Variants in PCCA observed in about 807,000 individuals in gnomAD.
PCCA encodes propionyl-CoA carboxylase subunit alpha, also known as propionyl-CoA carboxylase alpha chain, mitochondrial.
A neutral mutation model predicts 101.3 loss-of-function variants in PCCA; 74 were observed. That is an observed-to-expected ratio of 0.73 (90% CI 0.61 to 0.89). The LOEUF (loss-of-function observed/expected upper bound fraction) is 0.89, where lower values mean the gene tolerates loss of function less well. PCCA is among the 40% of genes least tolerant of loss of function. The probability of loss-of-function intolerance (pLI) is 0.00; values close to 1 mark genes in which losing one functional copy is unlikely to be tolerated. For synonymous variants in PCCA, 294 were observed against 313.6 expected, an observed-to-expected ratio of 0.94 and a Z score of 0.66; for missense variants, 891 against 907.0, an observed-to-expected ratio of 0.98 and a Z score of 0.23.
intron 6 of PCCA, among the ~76,000 whole-genome samples, chr13:100,171,761 G>A (rs910744650): frequency 6.6e-6 from 1 of 151,974 alleles, no homozygotes; most frequent in Non-Finnish European, 1.5e-5. Context: ...GGCTGGGCGC[G>A]GTGGCTCACG....
chr13:100,365,545 A>C (rs2075078228), intron 18 of PCCA, among the ~76,000 whole-genome samples: 1 of 152,220 alleles, frequency 6.6e-6, no homozygotes, highest in Admixed American at 6.5e-5. Context: ...ATATTACAGC[A>C]TATGACATAG....
At chr13:100,223,657 A>G (rs891600506) in intron 7 of PCCA, among the ~76,000 whole-genome samples, 1 of 152,094 alleles carries the variant, frequency 6.6e-6, no homozygotes, top group Admixed American at 6.5e-5. Context: ...TGGCTCGGGC[A>G]GCCTGCTTTT....
chr13:100,124,212 C>T (rs761081862), intron 4 of PCCA, among the ~76,000 whole-genome samples: 4 of 152,026 alleles, frequency 2.6e-5, no homozygotes, highest in African/African-American at 4.8e-5. Flanking sequence ...AATCTTCATT[C>T]CCAAAGAGGA....
At chr13:100,499,111 G>A (rs193199729) in intron 21 of PCCA, among the ~76,000 whole-genome samples, 3 of 152,282 alleles carry the variant, frequency 2.0e-5, no homozygotes, top group South Asian at 2.1e-4. Flanking sequence ...AACTATGGGC[G>A]TGTGCAGTCA....
At chr13:100,265,556 C>G (rs77889481) in intron 10 of PCCA, among the ~76,000 whole-genome samples, 1 of 152,138 alleles carries the variant, frequency 6.6e-6, no homozygotes, top group Non-Finnish European at 1.5e-5. Context: ...CCTGTTCCCC[C>G]TACGGACACC....
intron 4 of PCCA, among the ~76,000 whole-genome samples, chr13:100,145,762 T>C (rs1207251184): frequency 6.6e-6 from 1 of 150,970 alleles, no homozygotes; most frequent in African/African-American, 2.4e-5. Context: ...CTCAGGAGGC[T>C]GAGGCAGGAG....
chr13:100,124,496 T>C (rs1205938581), intron 4 of PCCA, among the ~76,000 whole-genome samples: 1 of 152,156 alleles, frequency 6.6e-6, no homozygotes, highest in Non-Finnish European at 1.5e-5. Flanking sequence ...TATAATGAGA[T>C]TGAGTGGGGT....
At chr13:100,279,257 A>G (rs1310438786) in intron 12 of PCCA, among the ~76,000 whole-genome samples, 1 of 152,172 alleles carries the variant, frequency 6.6e-6, no homozygotes, top group African/African-American at 2.4e-5. Context: ...GTGTTTAATC[A>G]TATTTTTCTC....
At chr13:100,441,801 T>G (rs1406655105) in intron 20 of PCCA, among the ~76,000 whole-genome samples, 2 of 152,186 alleles carry the variant, frequency 1.3e-5, no homozygotes, top group African/African-American at 4.8e-5. Context: ...ATATTTGTTT[T>G]GGCATGCATT....
chr13:100,307,150 C>T (rs745345131), intron 14 of PCCA, 42 bp from the exon 15 acceptor site: 1 of 1,407,520 alleles, frequency 7.1e-7, no homozygotes, highest in South Asian at 1.2e-5. Context: ...AAAATATCTA[C>T]ACAATATGAA....
chr13:100,473,577 T>C (rs958424), intron 21 of PCCA, among the ~76,000 whole-genome samples: 92,030 of 152,022 alleles, frequency 0.61, 28,460 homozygotes, highest in East Asian at 0.85. Context: ...GAAGAGAGCC[T>C]TGAAAAATCT....
At chr13:100,348,384 T>G (rs879693711) in intron 18 of PCCA, among the ~76,000 whole-genome samples, 157 of 152,234 alleles carry the variant, frequency 1.0e-3, no homozygotes, top group Non-Finnish European at 1.1e-3. Flanking sequence ...AGCCATTTTT[T>G]GGGGGATGAC....
Position 100,256,241 on chromosome 13 carries a change from G to A in PCCA, c.638-1354G>A, listed in dbSNP as rs529251288. The stretch of plus-strand genomic sequence containing the variant: ...AGGATGGTCTTAATCTCCTGACCTC[G>A]TAATTCGCCCACCTCAGCCTCCCAA... On this transcript the variant is annotated intron_variant, in intron 8 of 23. Transcript: ENST00000376285. Among the ~76,000 whole-genome samples the A allele has an allele frequency of 7.2e-5, 11 of 152,142 alleles. No individual in the cohort carries two copies. In the South Asian group the frequency reaches 1.9e-3, roughly 26 times the overall value.
chr13:100,351,987 G>T (rs1470156911), intron 18 of PCCA, among the ~76,000 whole-genome samples: 1 of 151,964 alleles, frequency 6.6e-6, no homozygotes, highest in Admixed American at 6.6e-5. Flanking sequence ...AATGCCCGGG[G>T]TAACCACTAA....
chr13:100,446,184 C>G (rs1004381009), intron 20 of PCCA, among the ~76,000 whole-genome samples: 3 of 152,106 alleles, frequency 2.0e-5, no homozygotes, highest in African/African-American at 7.2e-5. Context: ...ACTGCAGGCA[C>G]CTGCCACCAC....
intron 12 of PCCA, among the ~76,000 whole-genome samples, chr13:100,278,249 G>A (rs1445266235): frequency 6.6e-6 from 1 of 152,142 alleles, no homozygotes; most frequent in Non-Finnish European, 1.5e-5. Context: ...CTTGTAATTT[G>A]ATTCTGAAGA....
At chr13:100,334,030 G>A (rs1346349163) in intron 17 of PCCA, among the ~76,000 whole-genome samples, 1 of 152,084 alleles carries the variant, frequency 6.6e-6, no homozygotes, top group East Asian at 1.9e-4. Context: ...CTATACTACA[G>A]GACAGGATAA....
intron 12 of PCCA, among the ~76,000 whole-genome samples, chr13:100,296,507 C>T (rs1248213315): frequency 3.3e-5 from 5 of 151,712 alleles, no homozygotes; most frequent in Admixed American, 2.0e-4. Context: ...CTGGGTTTTT[C>T]TCCCAGAGTT....
chr13:100,345,449 C>G (rs898691918), intron 18 of PCCA, among the ~76,000 whole-genome samples: 4 of 152,188 alleles, frequency 2.6e-5, no homozygotes, highest in Non-Finnish European at 5.9e-5. Context: ...CCCTAACTCT[C>G]TTCAATTCTG....
Sources: gnomAD v4.1 joint callset for allele counts (sites outside exome capture counted in the v4.1 genomes callset) on GRCh38, gnomAD v4.1.1 for gene constraint, MANE v1.5 for transcripts, NCBI Gene and HGNC (gene_info 2026-07-23, HGNC 2026-07-21) for gene names.